The following HTR4 variants were observed in gnomAD, a reference collection of about 807,000 sequenced individuals.
HTR4 encodes the protein 5-hydroxytryptamine receptor 4, also known as 5-hydroxytryptamine (serotonin) receptor 4, G protein-coupled.
In HTR4, 16 loss-of-function variants were observed where a neutral mutation model predicts 36.8. That is an observed-to-expected ratio of 0.43 (90% CI 0.29 to 0.66). The LOEUF (loss-of-function observed/expected upper bound fraction) is 0.66. Ranked by LOEUF, HTR4 falls within the 30% of genes least tolerant of loss-of-function variation. The pLI is 0.13. For synonymous variants in HTR4, 189 were observed against 185.1 expected (o/e 1.02, Z -0.17); for missense variants, 438 against 490.9 (o/e 0.89, Z 1.02).
intron 2 of HTR4, among the ~76,000 whole-genome samples, chr5:148,600,899 G>A (rs541821533): frequency 1.7e-5 from 2 of 116,000 alleles, no homozygotes; most frequent in African/African-American, 3.3e-5. Flanking sequence ...CACAGAATAA[G>A]AGAAAATACA....
At chr5:148,506,987 C>T (rs1422229026) in intron 6 of HTR4, among the ~76,000 whole-genome samples, 1 of 151,852 alleles carries the variant, frequency 6.6e-6, no homozygotes, top group Non-Finnish European at 1.5e-5. Context: ...GGATCTAGAA[C>T]TAGAAATACC....
chr5:148,457,700 C>A lies in HTR4; in HGVS notation c.1077-6428G>T, dbSNP rs1209385194. On this transcript the variant is annotated intron_variant, in intron 5 of 5. Coordinates refer to the HTR4 transcript ENST00000521530. ...ATCATTAAAATATATTTTGATATAT[C>A]ATTAAAATATATTTTGATATATCAT... 3.5e-5 allele frequency among the ~76,000 whole-genome samples: 5 copies of A among 143,446 alleles called. No homozygotes were observed. In the East Asian group the frequency reaches 1.0e-3, roughly 29 times the overall value. The allele number at this position is 143,446 out of a possible 152,430, so 94.1% of individuals were successfully genotyped here. A position where few individuals can be genotyped will look rare whatever the true frequency, so the allele number is the denominator to read the frequency against.
chr5:148,523,184 G>C lies in HTR4; in HGVS notation c.507+9C>G. On this transcript the variant is annotated intron_variant, in intron 5 of 6. Transcript: ENST00000377888. ...ACAGTAAACCAGTGAGGTCTGTGTG[G>C]ATACTCACCAAATCAATTATGCCAA... 1.2e-6 allele frequency: 2 copies of C among 1,611,810 alleles called. No individual in the cohort carries two copies. The highest frequency in any genetic ancestry group is 1.7e-6 in the Non-Finnish European group (2 of 1,178,358).
chr5:148,576,122 A>AACAACAAC (rs1760899039), intron 2 of HTR4, among the ~76,000 whole-genome samples: 4 of 138,788 alleles, frequency 2.9e-5, no homozygotes, highest in African/African-American at 1.0e-4. Context: ...AAAAAAAAAA[A>AACAACAAC]AAAAAAAAAA....
chr5:148,459,626 C>T (rs910959714), intron 5 of HTR4, among the ~76,000 whole-genome samples: 8 of 152,094 alleles, frequency 5.3e-5, no homozygotes, highest in African/African-American at 1.4e-4. Flanking sequence ...TTCCCCTCCC[C>T]GCATACCTTA....
rs1446448064 is a variant in HTR4 at position 148,482,002 on chromosome 5, A to G, written c.*1201T>C. 2.0e-6 allele frequency: 2 copies of G among 1,002,856 alleles called. No individual in the cohort carries two copies. The highest frequency in any genetic ancestry group is 5.7e-5 in the Admixed American group (1 of 17,394). The allele number at this position is 1,002,856 out of a possible 1,614,324, so 62.1% of individuals were successfully genotyped here. The stretch of plus-strand genomic sequence containing the variant: ...CTGTTGTCTTAGAAACAGAAAGAAA[A>G]CTTAAAGGTCCTCTAGTCCAAGCTT... On this transcript the variant is annotated 3_prime_UTR_variant, in exon 7 of 7. Coordinates refer to ENST00000377888, the MANE Select transcript of HTR4 (RefSeq NM_000870.7).
Position 148,556,696 on chromosome 5 carries a change from A to G in HTR4, c.27-6434T>C, listed in dbSNP as rs1759966454. Among the ~76,000 whole-genome samples the G allele has an allele frequency of 2.6e-5, 4 of 152,200 alleles. No individual in the cohort carries two copies. In the South Asian group the frequency reaches 8.3e-4, roughly 32 times the overall value. ...CACTGAGGATCTTGATAAAACGCAG[A>G]TTCTGATTTTTTTTAGGCTGAGGCA... On this transcript the variant is annotated intron_variant, in intron 2 of 6. Transcript: ENST00000377888.
At chr5:148,623,888 C>T (rs568792068) in intron 2 of HTR4, among the ~76,000 whole-genome samples, 1 of 152,296 alleles carries the variant, frequency 6.6e-6, no homozygotes, top group Non-Finnish European at 1.5e-5. Context: ...ATGAGTCAGT[C>T]AAAGAGAAAC....
chr5:148,488,150 A>G (rs1756251585), intron 6 of HTR4, among the ~76,000 whole-genome samples: 1 of 152,212 alleles, frequency 6.6e-6, no homozygotes, highest in Non-Finnish European at 1.5e-5. Context: ...CATTTCTTAA[A>G]TTGTCTGTAG....
chr5:148,648,524 C>A (rs1357703995), intron 1 of HTR4, among the ~76,000 whole-genome samples: 1 of 152,210 alleles, frequency 6.6e-6, no homozygotes, highest in African/African-American at 2.4e-5. Context: ...CAGATTGTCT[C>A]TATTACAAGC....
At chr5:148,538,389 A>G (rs548205977) in intron 4 of HTR4, among the ~76,000 whole-genome samples, 72 of 152,308 alleles carry the variant, frequency 4.7e-4, no homozygotes, top group South Asian at 1.7e-3. Flanking sequence ...CAGGCAAGAG[A>G]AAGAAATAAG....
intron 2 of HTR4, among the ~76,000 whole-genome samples, chr5:148,567,472 C>T (rs1005407212): frequency 2.0e-5 from 3 of 152,138 alleles, no homozygotes; most frequent in African/African-American, 7.2e-5. Context: ...CAAAATTATT[C>T]AATGGCTTCC....
At chr5:148,556,958 C>A (rs982320655) in intron 2 of HTR4, among the ~76,000 whole-genome samples, 4 of 152,068 alleles carry the variant, frequency 2.6e-5, no homozygotes, top group Non-Finnish European at 4.4e-5. Context: ...GCATTGCATT[C>A]AAAGGGAAGA....
rs573982443 is a variant in HTR4 at position 148,517,910 on chromosome 5, C to T, written c.507+5283G>A. 2.6e-5 allele frequency among the ~76,000 whole-genome samples: 4 copies of T among 152,222 alleles called. No individual in the cohort carries two copies. The South Asian group carries it at 8.3e-4, about 32-fold the overall frequency. On this transcript the variant is annotated intron_variant, in intron 5 of 6. Coordinates refer to ENST00000377888, the MANE Select transcript of HTR4 (RefSeq NM_000870.7). ...ATGGTCTTAAAATAACCTGAAAAGTCCTACACGATCTTTCTCCTATATATT... is the reference window on the plus strand; with the variant it reads ...ATGGTCTTAAAATAACCTGAAAAGTTCTACACGATCTTTCTCCTATATATT...
intron 1 of HTR4, among the ~76,000 whole-genome samples, chr5:148,648,709 G>GAAAAATTT (rs1753946397): frequency 6.6e-6 from 1 of 151,706 alleles, no homozygotes; most frequent in African/African-American, 2.4e-5. Context: ...CAACCACAAG[G>GAAAAATTT]ATGAGCCCGT....
intron 4 of HTR4, among the ~76,000 whole-genome samples, chr5:148,543,782 T>G (rs1486993871): frequency 6.6e-6 from 1 of 152,028 alleles, no homozygotes; most frequent in Non-Finnish European, 1.5e-5. Context: ...TACAAGCTTG[T>G]GAACAGGGAG....
At chr5:148,563,747 G>C (rs1168125618) in intron 2 of HTR4, among the ~76,000 whole-genome samples, 1 of 152,160 alleles carries the variant, frequency 6.6e-6, no homozygotes, top group Non-Finnish European at 1.5e-5. Flanking sequence ...ATTTACCATT[G>C]CATTAGGTAT....
downstream of HTR4, among the ~76,000 whole-genome samples, chr5:148,479,364 G>A (rs890831259): frequency 5.3e-5 from 8 of 151,984 alleles, no homozygotes; most frequent in African/African-American, 7.3e-5. Context: ...GGAGGTTACC[G>A]AGAAGCTCCA....
chr5:148,611,677 C>A (rs373912662), intron 2 of HTR4, among the ~76,000 whole-genome samples: 63 of 150,930 alleles, frequency 4.2e-4, no homozygotes, highest in East Asian at 2.9e-3. Context: ...ACACATAACA[C>A]TATTAACTTT....
Sources: allele counts gnomAD v4.1 joint callset (sites outside exome capture counted in the v4.1 genomes callset), GRCh38; gene constraint gnomAD v4.1.1; transcripts MANE v1.5; gene names NCBI Gene and HGNC (gene_info 2026-07-23, HGNC 2026-07-21).